The following CAST variants were observed in gnomAD, a reference collection of about 807,000 sequenced individuals.
The protein encoded by CAST is MIR583 host.
CAST carries 76 observed loss-of-function variants against 119.6 expected under a neutral mutation model. That is an observed-to-expected ratio of 0.64 (90% CI 0.53 to 0.77). CAST has a LOEUF of 0.77. Ranked by LOEUF, CAST falls within the 30% of genes least tolerant of loss-of-function variation. The pLI, the probability that CAST is intolerant of heterozygous loss-of-function variation, is 0.00. For synonymous variants in CAST, 319 were observed against 331.6 expected, an observed-to-expected ratio of 0.96 and a Z score of 0.41; for missense variants, 953 against 946.5, an observed-to-expected ratio of 1.01 and a Z score of -0.09.
intron 1 of CAST, among the ~76,000 whole-genome samples, chr5:96,610,055 G>A (rs1747331437): frequency 6.6e-6 from 1 of 152,204 alleles, no homozygotes; most frequent in African/African-American, 2.4e-5. Context: ...GACACAGTGG[G>A]AGGTAATTGA....
the CAST span, among the ~76,000 whole-genome samples, chr5:96,246,790 A>G: frequency 0.29 from 44,348 of 152,144 alleles, 7,348 homozygotes; most frequent in Admixed American, 0.42. Flanking sequence ...CTGGCCAACT[A>G]TTAGGTAGCT....
At chr5:96,409,383 C>T in the CAST span, among the ~76,000 whole-genome samples, 8 of 152,202 alleles carry the variant, frequency 5.3e-5, no homozygotes, top group African/African-American at 9.7e-5. Context: ...CAGAGGGCTG[C>T]GGAAGCAAGG....
At chr5:96,595,161 C>G (rs1276455584) in intron 1 of CAST, among the ~76,000 whole-genome samples, 1 of 152,200 alleles carries the variant, frequency 6.6e-6, no homozygotes, top group Admixed American at 6.5e-5. Flanking sequence ...AGGATCAGAG[C>G]TGGCAATGGA....
chr5:96,220,136 G>A, the CAST span, among the ~76,000 whole-genome samples: 3 of 152,182 alleles, frequency 2.0e-5, no homozygotes, highest in Non-Finnish European at 2.9e-5. Context: ...TGGCTAATGG[G>A]ACGTGAGGAG....
At chr5:96,145,922 G>A in the CAST span, among the ~76,000 whole-genome samples, 786 of 152,290 alleles carry the variant, frequency 5.2e-3, 10 homozygotes, top group African/African-American at 0.017. Context: ...CTGACAGCTG[G>A]TAGCTCAGTT....
At chr5:96,483,601 T>C in the CAST span, among the ~76,000 whole-genome samples, 1 of 152,058 alleles carries the variant, frequency 6.6e-6, no homozygotes, top group Non-Finnish European at 1.5e-5. Context: ...TTTTCATGGA[T>C]GAGCTTCATT....
chr5:95,967,313 G>T, the CAST span, among the ~76,000 whole-genome samples: 3 of 152,032 alleles, frequency 2.0e-5, no homozygotes, highest in African/African-American at 4.8e-5. Flanking sequence ...GGCTGAGGCA[G>T]AAGGATTCTT....
the CAST span, among the ~76,000 whole-genome samples, chr5:96,147,885 AG>A: frequency 2.0e-5 from 3 of 152,360 alleles, no homozygotes; most frequent in South Asian, 6.2e-4. Flanking sequence ...AAATAAAAAA[AG>A]AAATTAATTT....
At chr5:96,680,354 C>CAAAAAAAAAAAAAAAAA (rs71617135) in intron 2 of CAST, among the ~76,000 whole-genome samples, 6 of 29,260 alleles carry the variant, frequency 2.1e-4, no homozygotes, top group African/African-American at 4.5e-4. Flanking sequence ...GACTCTGTCT[C>CAAAAAAAAAAAAAAAAA]AAAAAAAAAA....
chr5:96,452,640 T>TTAAAAAAAA, the CAST span, among the ~76,000 whole-genome samples: 2 of 90,140 alleles, frequency 2.2e-5, no homozygotes, highest in Admixed American at 2.3e-4. Flanking sequence ...TAAAGTATAA[T>TTAAAAAAAA]AAAAAAAAAA....
rs1340655197 is a variant in CAST, at chr5:96,662,447, G to T, written c.25G>T (p.Ala9Ser). 1 of 1,438,818 alleles carries T rather than the reference G, an allele frequency of 7.0e-7. No individual in the cohort carries two copies. Among genetic ancestry groups the T allele is most frequent in the South Asian group, 1.4e-5 (1 of 71,698 alleles). 89.1% of individuals were successfully genotyped at this position (1,438,818 alleles called of 1,614,324 possible). A position where few individuals can be genotyped will look rare whatever the true frequency, so the allele number is the denominator to read the frequency against. The change falls in exon 1 of 32, where the codon GCC becomes TCC. Residue 9 changes from alanine to serine, a missense_variant. Coordinates refer to ENST00000675179, the MANE Select transcript of CAST (RefSeq NM_001750.7). ...CATGTCCCAGCCCGGCCAGAAGCCC[G>T]CCGCCTCCCCGCGGCCCCGGCGAGC... MSQPGQKP[A>S]ASPRPRRAAA...
the CAST span, among the ~76,000 whole-genome samples, chr5:96,222,576 A>C: frequency 1.3e-5 from 2 of 152,292 alleles, no homozygotes; most frequent in African/African-American, 4.8e-5. Context: ...ACCTTACCCC[A>C]GTCAGAATGA....
chr5:96,381,434 C>G, the CAST span, among the ~76,000 whole-genome samples: 1 of 152,030 alleles, frequency 6.6e-6, no homozygotes. Flanking sequence ...AACTGTTATC[C>G]TAATAAATTA....
chr5:96,512,367 A>G, the CAST span, among the ~76,000 whole-genome samples: 1 of 152,174 alleles, frequency 6.6e-6, no homozygotes, highest in East Asian at 1.9e-4. Context: ...ATATTTTGCA[A>G]GTGCTTCCCA....
chr5:96,084,533 A>G, the CAST span, among the ~76,000 whole-genome samples: 2 of 152,360 alleles, frequency 1.3e-5, no homozygotes, highest in African/African-American at 2.4e-5. Context: ...CACTGATTCT[A>G]TCAGTTACCA....
chr5:96,000,047 T>G, the CAST span, among the ~76,000 whole-genome samples: 3,673 of 152,346 alleles, frequency 0.024, 68 homozygotes, highest in Middle Eastern at 0.041. Flanking sequence ...ACTATTTGCA[T>G]ATCTTCTTTA....
At chr5:96,582,090 AC>A (rs1488521451) in intron 1 of CAST, among the ~76,000 whole-genome samples, 2 of 152,178 alleles carry the variant, frequency 1.3e-5, no homozygotes, top group Non-Finnish European at 2.9e-5. Flanking sequence ...AAATTCTTGC[AC>A]AGGACATCTT....
chr5:96,640,316 T>C (rs1470319677), intron 1 of CAST, among the ~76,000 whole-genome samples: 1 of 151,944 alleles, frequency 6.6e-6, no homozygotes, highest in African/African-American at 2.4e-5. Flanking sequence ...GAAGGATGGA[T>C]GGACAAAGGA....
chr5:96,640,468 A>T (rs1458381862), intron 1 of CAST, among the ~76,000 whole-genome samples: 2 of 152,232 alleles, frequency 1.3e-5, no homozygotes, highest in African/African-American at 4.8e-5. Flanking sequence ...TCTTCTCCAG[A>T]TAGTAAAACA....
Sources: gnomAD v4.1 joint callset for allele counts (sites outside exome capture counted in the v4.1 genomes callset) on GRCh38, gnomAD v4.1.1 for gene constraint, MANE v1.5 for transcripts, NCBI Gene and HGNC (gene_info 2026-07-23, HGNC 2026-07-21) for gene names.